Variants in NBEAL1 observed in about 807,000 individuals in gnomAD.
The protein encoded by NBEAL1 is neurobeachin like 1.
NBEAL1 carries 273 observed loss-of-function variants against 351.3 expected under a neutral mutation model. The ratio of observed to expected loss-of-function variants is 0.78; its 90% CI spans 0.70 to 0.86. NBEAL1 has a LOEUF of 0.86. NBEAL1 is among the 40% of genes least tolerant of loss of function. The pLI is 0.00. For synonymous variants in NBEAL1, 1,050 were observed against 1,086.4 expected, an observed-to-expected ratio of 0.97 and a Z score of 0.66; for missense variants, 2,961 against 3,201.3, an observed-to-expected ratio of 0.92 and a Z score of 1.81.
chr2:203,199,949 T>G (rs532183774), intron 49 of NBEAL1, among the ~76,000 whole-genome samples: 1 of 152,386 alleles, frequency 6.6e-6, no homozygotes, highest in South Asian at 2.1e-4. Context: ...ATAGACTTCC[T>G]TGTAATTTTA....
chr2:203,041,857 G>C lies in NBEAL1; in HGVS notation c.143+1G>C, dbSNP rs1252057256. The C allele has an allele frequency of 6.5e-6, 10 of 1,549,368 alleles. No individual in the cohort carries two copies. Among genetic ancestry groups the C allele is most frequent in the Non-Finnish European group, 8.7e-6 (10 of 1,144,370 alleles). ...TTGACTTTGAAAAGCTGCCTACCAG[G>C]TATGTAGAAACGCTAATTTGTAACC... On this transcript the variant is annotated splice_donor_variant, in intron 3 of 55. Transcript: ENST00000683969. LOFTEE classifies it high-confidence loss of function.
At chr2:203,036,262 G>T (rs1351199850) in intron 2 of NBEAL1, among the ~76,000 whole-genome samples, 1 of 149,132 alleles carries the variant, frequency 6.7e-6, no homozygotes, top group Non-Finnish European at 1.5e-5. Flanking sequence ...ATGGCCTTTG[G>T]CAGTAAAATG....
At chr2:203,063,710 C>T (rs1391775769) in intron 6 of NBEAL1, among the ~76,000 whole-genome samples, 1 of 152,040 alleles carries the variant, frequency 6.6e-6, no homozygotes, top group East Asian at 1.9e-4. Context: ...TGCCTTGCCA[C>T]AGAGAAAAAT....
At chr2:203,072,395 C>G (rs1311380268) in intron 7 of NBEAL1, among the ~76,000 whole-genome samples, 1 of 151,618 alleles carries the variant, frequency 6.6e-6, no homozygotes, top group African/African-American at 2.4e-5. Flanking sequence ...TTAGAACAAG[C>G]TTTCTTGTTT....
In NBEAL1 at chr2:203,224,019, C is replaced by A. The variant is rs2065982745; in HGVS notation, c.*6665C>A. Among the ~76,000 whole-genome samples, 1 of 151,844 alleles carries A rather than the reference C, an allele frequency of 6.6e-6. No homozygotes were observed. The highest frequency in any genetic ancestry group is 2.4e-5 in the African/African-American group (1 of 41,378). The stretch of plus-strand genomic sequence containing the variant: ...ATTAAAGAGGATAACTTTATTTTTT[C>A]CTTTGGAAAGAATAATTCTTTTGGA... On this transcript the variant is annotated 3_prime_UTR_variant, in exon 56 of 56. Coordinates refer to ENST00000683969, the MANE Select transcript of NBEAL1 (RefSeq NM_001378026.1).
At chr2:203,174,216 C>CAAAAAAAAAAAAAA (rs10652390) in intron 41 of NBEAL1, among the ~76,000 whole-genome samples, 7 of 24,614 alleles carry the variant, frequency 2.8e-4, no homozygotes, top group Non-Finnish European at 3.4e-4. Context: ...TTTATACTAG[C>CAAAAAAAAAAAAAA]AAAAAAAAAA....
In NBEAL1 at chr2:203,062,165, C is replaced by T. The variant is rs2061509539; in HGVS notation, c.515+4712C>T. Reference sequence around the variant, plus strand: ...TTTGAATTCTGGCTGAAGGTTTCTCCACCTTGACTATTTTGTTTACCTTCA... The same window carrying T: ...TTTGAATTCTGGCTGAAGGTTTCTCTACCTTGACTATTTTGTTTACCTTCA... On this transcript the variant is annotated intron_variant, in intron 6 of 55. Coordinates refer to ENST00000683969, the MANE Select transcript of NBEAL1 (RefSeq NM_001378026.1). The surrounding 1 kb of genome is among the most constrained non-coding windows in gnomAD (Gnocchi z 4.2). 3 of 414,310 alleles carry T rather than the reference C, an allele frequency of 7.2e-6. No individual in the cohort carries two copies. The highest frequency in any genetic ancestry group is 5.9e-5 in the Admixed American group (2 of 33,822). 25.7% of individuals were successfully genotyped at this position (414,310 alleles called of 1,614,324 possible).
intron 10 of NBEAL1, among the ~76,000 whole-genome samples, chr2:203,087,466 T>G (rs1177438698): frequency 6.6e-6 from 1 of 152,204 alleles, no homozygotes; most frequent in East Asian, 1.9e-4. Flanking sequence ...GTATCAATCC[T>G]TTGCTTAACA....
chr2:203,117,203 C>G (rs972890151), intron 18 of NBEAL1, among the ~76,000 whole-genome samples: 1 of 152,064 alleles, frequency 6.6e-6, no homozygotes, highest in African/African-American at 2.4e-5. Context: ...CAGTGGCTCA[C>G]GCTTTAATCC....
intron 26 of NBEAL1, 140 bp from the exon 27 acceptor site, chr2:203,132,918 T>C: frequency 1.8e-6 from 1 of 542,674 alleles, no homozygotes; most frequent in South Asian, 2.6e-5. Flanking sequence ...AACCTATTTT[T>C]TCTTTAAAAT....
chr2:203,208,848 G>T, intron 52 of NBEAL1, 95 bp downstream of exon 52: 1 of 866,030 alleles, frequency 1.2e-6, no homozygotes, highest in Non-Finnish European at 1.8e-6. Context: ...ATTGATAAGA[G>T]TATAGAAATG....
Position 203,110,184 on chromosome 2 carries a change from T to A in NBEAL1, c.1984T>A (p.Phe662Ile). 1.3e-6 allele frequency: 2 copies of A among 1,553,218 alleles called. No homozygotes were observed. Among genetic ancestry groups the A allele is most frequent in the Non-Finnish European group, 1.7e-6 (2 of 1,147,330 alleles). The change falls in exon 15 of 56, where the codon TTT becomes ATT. Residue 662 changes from phenylalanine (F) to isoleucine (I), a missense_variant. Coordinates refer to ENST00000683969, the MANE Select transcript of NBEAL1 (RefSeq NM_001378026.1). ...FTGSGMGFEAFITHSGMLVVA... is the reference protein window; with the variant it reads ...FTGSGMGFEAIITHSGMLVVA... Reference sequence around the variant, plus strand: ...AGGAAGTGGCATGGGTTTTGAAGCCTTTATTACCCATTCAGGTATGTTGGT... The same window carrying A: ...AGGAAGTGGCATGGGTTTTGAAGCCATTATTACCCATTCAGGTATGTTGGT...
At chr2:203,130,612 T>A (rs977311509) in intron 25 of NBEAL1, 136 bp downstream of exon 25, 1 of 547,330 alleles carries the variant, frequency 1.8e-6, no homozygotes, top group Non-Finnish European at 2.8e-6. Flanking sequence ...TTTTTATATA[T>A]AGTTTTCATG....
chr2:203,076,853 A>G (rs895755058), intron 7 of NBEAL1, among the ~76,000 whole-genome samples: 1 of 151,674 alleles, frequency 6.6e-6, no homozygotes, highest in East Asian at 2.0e-4. Context: ...CGGCCTCCCA[A>G]AGTGCTGGGA....
chr2:203,124,151 A>G (rs758546600), intron 19 of NBEAL1, among the ~76,000 whole-genome samples: 5 of 152,180 alleles, frequency 3.3e-5, no homozygotes, highest in Non-Finnish European at 7.4e-5. Flanking sequence ...AGCCTGGGCA[A>G]CATGGCAAAA....
At chr2:203,021,909 G>A (rs1392687702) in intron 2 of NBEAL1, among the ~76,000 whole-genome samples, 6 of 151,990 alleles carry the variant, frequency 3.9e-5, no homozygotes, top group African/African-American at 1.2e-4. Context: ...AAATTAGCCA[G>A]GCACGGTGGC....
intron 42 of NBEAL1, among the ~76,000 whole-genome samples, chr2:203,179,818 G>A (rs944029402): frequency 6.6e-6 from 1 of 151,596 alleles, no homozygotes; most frequent in African/African-American, 2.4e-5. Context: ...TTGCTCTGTC[G>A]GCCAGGCTGG....
intron 34 of NBEAL1, among the ~76,000 whole-genome samples, chr2:203,150,625 TCTAAGAAACCATTG>T (rs1361261111): frequency 6.6e-6 from 1 of 152,122 alleles, no homozygotes; most frequent in Non-Finnish European, 1.5e-5. Flanking sequence ...TGGTGTCATA[TCTAAGAAACCATTG>T]CCAAGTCCAA....
intron 44 of NBEAL1, among the ~76,000 whole-genome samples, chr2:203,187,367 G>GTT (rs71034225): frequency 0.56 from 49,086 of 87,708 alleles, 14,592 homozygotes; most frequent in Middle Eastern, 0.68. Context: ...TCTTGCAATG[G>GTT]TTTTTTTTTT....
Sources: gnomAD v4.1 joint callset for allele counts (sites outside exome capture counted in the v4.1 genomes callset) on GRCh38, gnomAD v4.1.1 for gene constraint, Gnocchi (gnomAD v3.1) non-coding constraint, MANE v1.5 for transcripts, NCBI Gene and HGNC (gene_info 2026-07-23, HGNC 2026-07-21) for gene names.